The following AFF1 variants were observed in gnomAD, a reference collection of about 807,000 sequenced individuals.
The protein encoded by AFF1 is AF4/FMR2 family member 1.
Under a neutral mutation model 121.7 loss-of-function variants are expected in AFF1, and 48 were observed. That is an observed-to-expected ratio of 0.39 (90% confidence interval 0.31 to 0.50). The LOEUF (loss-of-function observed/expected upper bound fraction) is 0.50, where lower values mean the gene tolerates loss of function less well. Among genes scored for constraint, AFF1 ranks in the 20% least tolerant of loss-of-function variants. The pLI is 0.76. For synonymous variants in AFF1, 613 were observed against 563.0 expected, an observed-to-expected ratio of 1.09 and a Z score of -1.26; for missense variants, 1,523 against 1,511.7, an observed-to-expected ratio of 1.01 and a Z score of -0.12.
chr4:86,998,744 G>A (rs1413043432), intron 2 of AFF1, among the ~76,000 whole-genome samples: 1 of 152,140 alleles, frequency 6.6e-6, no homozygotes, highest in Non-Finnish European at 1.5e-5. Context: ...ACAAGAGGGT[G>A]AAAGCTTATT....
intron 2 of AFF1, among the ~76,000 whole-genome samples, chr4:86,969,307 G>C (rs1722754352): frequency 6.6e-6 from 1 of 151,486 alleles, no homozygotes; most frequent in Non-Finnish European, 1.5e-5. Flanking sequence ...GTGAAACCTT[G>C]TCTCTACTAA....
chr4:87,049,773 G>A (rs1224054506), intron 4 of AFF1: 6 of 455,996 alleles, frequency 1.3e-5, no homozygotes, highest in African/African-American at 1.2e-4. Context: ...GTGAGTGGGA[G>A]GATGGAACTG....
intron 2 of AFF1, 102 bp from the exon 3 acceptor site, chr4:87,046,064 C>T: frequency 7.0e-7 from 1 of 1,425,758 alleles, no homozygotes; most frequent in Non-Finnish European, 9.6e-7. Flanking sequence ...CTGCTTCTTC[C>T]CAGACCTGTC....
At chr4:87,124,058 G>A (rs1311792337) in intron 12 of AFF1, among the ~76,000 whole-genome samples, 1 of 152,194 alleles carries the variant, frequency 6.6e-6, no homozygotes, top group African/African-American at 2.4e-5. Context: ...GGCCGTCAGG[G>A]AGTCTGCATG....
chr4:87,047,010 G>A lies in AFF1; in HGVS notation c.475G>A (p.Gly159Ser), dbSNP rs147979753. 2.0e-4 allele frequency: 316 copies of A among 1,614,102 alleles called. 2 individuals carry two copies. In the East Asian group the frequency reaches 6.9e-3, roughly 35 times the overall value. ...GCCAAGTCTCCATGCCAAAAGCTGC[G>A]GCCCACCGGACAGCCAGCACCTGAC... ...PMPSLHAKSC[G>S]PPDSQHLTQD... Residue 159 changes from glycine (G) to serine (S), a missense_variant, in exon 4 of 21, where the codon GGC becomes AGC. Gly to Ser is a moderately conservative substitution (Grantham distance 56). Around this residue, in one of 5 missense-constraint regions of AFF1, gnomAD observed 369 missense variants for 367.2 expected, o/e 1.00. Coordinates refer to ENST00000395146, the MANE Select transcript of AFF1 (RefSeq NM_001166693.3).
At chr4:87,057,208 G>T (rs1720239553) in intron 4 of AFF1, among the ~76,000 whole-genome samples, 1 of 152,200 alleles carries the variant, frequency 6.6e-6, no homozygotes, top group Non-Finnish European at 1.5e-5. Flanking sequence ...AGTGGGAGTG[G>T]CAGGGCCTGT....
intron 8 of AFF1, among the ~76,000 whole-genome samples, chr4:87,104,136 G>T (rs987046905): frequency 6.6e-6 from 1 of 152,150 alleles, no homozygotes; most frequent in Non-Finnish European, 1.5e-5. Context: ...GCTGTGCAGG[G>T]TGGCTCACGC....
chr4:87,050,784 G>A (rs991698931), intron 4 of AFF1, among the ~76,000 whole-genome samples: 10 of 152,242 alleles, frequency 6.6e-5, no homozygotes, highest in African/African-American at 2.4e-4. Context: ...AGAACTCCGC[G>A]ATCTCACGTG....
rs1276343786 is a variant in AFF1, at chr4:86,969,666, G to T, written c.38+21095G>T. ...GAGGCCGAGGCAGGCGGATCACGAG[G>T]TCGGGAGATCGAGACCATCCTGGCT... On this transcript the variant is annotated intron_variant, in intron 2 of 20. Coordinates refer to ENST00000395146, the MANE Select transcript of AFF1 (RefSeq NM_001166693.3). 5.3e-5 allele frequency among the ~76,000 whole-genome samples: 8 copies of T among 151,324 alleles called. No individual in the cohort carries two copies. In the East Asian group the frequency reaches 1.6e-3, roughly 30 times the overall value.
chr4:86,986,038 TTC>T (rs1560519106), intron 2 of AFF1, among the ~76,000 whole-genome samples: 7 of 128,870 alleles, frequency 5.4e-5, no homozygotes, highest in African/African-American at 1.4e-4. Flanking sequence ...TTTAATTCAA[TTC>T]AATTTAATTT....
intron 6 of AFF1, among the ~76,000 whole-genome samples, chr4:87,091,470 C>T (rs1331002186): frequency 6.6e-6 from 1 of 152,130 alleles, no homozygotes; most frequent in Non-Finnish European, 1.5e-5. Context: ...AAGCACTAAG[C>T]TCTGTAAAAA....
chr4:87,072,189 C>T (rs1722135652), intron 4 of AFF1, among the ~76,000 whole-genome samples: 1 of 151,918 alleles, frequency 6.6e-6, no homozygotes, highest in South Asian at 2.1e-4. Context: ...CGGTGAAGAC[C>T]CGTCTCTACT....
chr4:86,945,521 T>TTA (rs142494443), intron 1 of AFF1, among the ~76,000 whole-genome samples: 40 of 147,986 alleles, frequency 2.7e-4, no homozygotes, highest in South Asian at 2.0e-3. Context: ...TTTTTTTTTT[T>TTA]AGACAGGGTC....
Position 87,105,862 on chromosome 4 carries a change from T to C in AFF1, c.1376+17T>C. 1 of 1,613,952 alleles carries C rather than the reference T, an allele frequency of 6.2e-7. No individual in the cohort carries two copies. Among genetic ancestry groups the C allele is most frequent in the Non-Finnish European group, 8.5e-7 (1 of 1,179,812 alleles). On this transcript the variant is annotated intron_variant, in intron 10 of 20. Transcript: ENST00000395146. ...ACCTCCAAGGTACCGTGTGGGTTTC[T>C]CCCCATCTGTACAGAATGTTTGCAA... is the stretch of plus-strand genomic sequence containing the variant.
intron 2 of AFF1, among the ~76,000 whole-genome samples, chr4:86,967,593 G>A (rs1386627010): frequency 1.3e-5 from 2 of 152,060 alleles, no homozygotes; most frequent in East Asian, 3.9e-4. Flanking sequence ...GGGATATGAA[G>A]TAAGTAGTGC....
At chr4:87,096,853 C>T (rs935347266) in intron 8 of AFF1, among the ~76,000 whole-genome samples, 4 of 152,158 alleles carry the variant, frequency 2.6e-5, no homozygotes, top group East Asian at 1.9e-4. Flanking sequence ...AAGTGATCCT[C>T]CTGCCGCAGC....
intron 2 of AFF1, among the ~76,000 whole-genome samples, chr4:86,979,371 T>A (rs1189371723): frequency 6.6e-6 from 1 of 152,160 alleles, no homozygotes; most frequent in Non-Finnish European, 1.5e-5. Flanking sequence ...AGTGCTGGGA[T>A]TACAGGGATG....
chr4:87,055,876 G>A (rs1217896013), intron 4 of AFF1, among the ~76,000 whole-genome samples: 1 of 152,144 alleles, frequency 6.6e-6, no homozygotes, highest in African/African-American at 2.4e-5. Context: ...ACAGCAATTT[G>A]ACATTATTTT....
At position 86,948,530 on chromosome 4, in the gene AFF1, A is replaced by G; in HGVS notation, c.-4A>G. ...GACTAGCCACTTTGCATTGACTGGA[A>G]ACAATGGCATTTACAGAAAGAGTCA... On this transcript the variant is annotated 5_prime_UTR_variant, in exon 2 of 21. Transcript: ENST00000395146. 6.5e-7 allele frequency: 1 copy of G among 1,536,940 alleles called. No individual in the cohort carries two copies. The highest frequency in any genetic ancestry group is 8.7e-7 in the Non-Finnish European group (1 of 1,146,688).
Sources: gnomAD v4.1 joint callset for allele counts (sites outside exome capture counted in the v4.1 genomes callset) on GRCh38, gnomAD v4.1.1 for gene constraint, gnomAD v4.1.1 regional missense constraint, MANE v1.5 for transcripts, NCBI Gene and HGNC (gene_info 2026-07-23, HGNC 2026-07-21) for gene names.